The following CSMD2 variants were observed in gnomAD, a reference collection of about 807,000 sequenced individuals.
CSMD2 encodes the protein CUB and Sushi multiple domains 2.
In CSMD2, 130 loss-of-function variants were observed where a neutral mutation model predicts 398.5. That is an observed-to-expected ratio of 0.33 (90% CI 0.28 to 0.38). The LOEUF (loss-of-function observed/expected upper bound fraction) is 0.38, where lower values mean the gene tolerates loss of function less well. Ranked by LOEUF, CSMD2 falls within the 10% of genes least tolerant of loss-of-function variation. CSMD2 has a pLI of 1.00. For synonymous variants in CSMD2, 1,828 were observed against 1,908.5 expected, an observed-to-expected ratio of 0.96 and a Z score of 1.10; for missense variants, 3,829 against 4,764.9, an observed-to-expected ratio of 0.80 and a Z score of 5.78.
At position 34,039,356 on chromosome 1, in the gene CSMD2, C is replaced by T. The variant is rs140270148; in HGVS notation, c.405-6650G>A. Among the ~76,000 whole-genome samples the T allele has an allele frequency of 2.0e-5, 3 of 152,320 alleles. No individual in the cohort carries two copies. The East Asian group carries it at 5.8e-4, about 29-fold the overall frequency. On this transcript the variant is annotated intron_variant, in intron 2 of 70. Transcript: ENST00000373381. ...GGTCAGTGATCCTTGGCCTCCGCAGCCACGGTCTCTGAGCAACTCCCCTAA... is the reference window on the plus strand; with the variant it reads ...GGTCAGTGATCCTTGGCCTCCGCAGTCACGGTCTCTGAGCAACTCCCCTAA...
intron 3 of CSMD2, among the ~76,000 whole-genome samples, chr1:33,951,554 C>A: frequency 6.6e-6 from 1 of 152,164 alleles, no homozygotes. Flanking sequence ...CAATCTCTTC[C>A]CTGGCTTTCT....
In CSMD2 at chr1:34,164,899, G is replaced by T. The variant is rs912299311; in HGVS notation, c.187+12C>A. 112 of 1,219,300 alleles carry T rather than the reference G, an allele frequency of 9.2e-5. 1 individual carries two copies. In the Admixed American group the frequency reaches 1.1e-3, roughly 12 times the overall value. The allele number at this position is 1,219,300 out of a possible 1,614,324, so 75.5% of individuals were successfully genotyped here. Reference sequence around the variant, plus strand: ...GCGGCGGCCGCTGGCTCCTCGGCGCGGCTGGACTCACCCGCGGCGGCCGAG... The same window carrying T: ...GCGGCGGCCGCTGGCTCCTCGGCGCTGCTGGACTCACCCGCGGCGGCCGAG... On this transcript the variant is annotated intron_variant, in intron 1 of 70. Coordinates refer to ENST00000373381, the MANE Select transcript of CSMD2 (RefSeq NM_001281956.2). This position sits in a 1 kb window ranked among gnomAD's most constrained non-coding sequence, Gnocchi z 6.2.
At chr1:33,724,360 G>T in intron 18 of CSMD2, 47 bp from the exon 19 acceptor site, 1 of 1,524,874 alleles carries the variant, frequency 6.6e-7, no homozygotes, top group Non-Finnish European at 9.1e-7. Flanking sequence ...GGGCCTCAGG[G>T]AGCACCCCCG....
intron 3 of CSMD2, among the ~76,000 whole-genome samples, chr1:33,955,882 C>T (rs972302112): frequency 1.3e-5 from 2 of 152,150 alleles, no homozygotes; most frequent in Non-Finnish European, 2.9e-5. Context: ...GGTGCCAAAC[C>T]AGCCACACCT....
chr1:34,034,838 A>G (rs1650918382), intron 2 of CSMD2, among the ~76,000 whole-genome samples: 1 of 152,226 alleles, frequency 6.6e-6, no homozygotes, highest in Non-Finnish European at 1.5e-5. Context: ...GTGCAACCTG[A>G]AAGGTTACGA....
At chr1:33,700,055 C>T (rs1241848198) in intron 23 of CSMD2, among the ~76,000 whole-genome samples, 1 of 151,672 alleles carries the variant, frequency 6.6e-6, no homozygotes, top group East Asian at 1.9e-4. Context: ...GTCACCCAGG[C>T]TAGAGTGCAG....
chr1:33,843,738 T>C lies in CSMD2; in HGVS notation c.1033+3146A>G, dbSNP rs1661082365. ...CTTGGCTTCCTGTTGGATTGGCAGA[T>C]GGGAAGCACAGTGGATGGGAGAGAG... is the stretch of plus-strand genomic sequence containing the variant. On this transcript the variant is annotated intron_variant, in intron 6 of 70. Transcript: ENST00000373381. Among the ~76,000 whole-genome samples the C allele has an allele frequency of 2.0e-5, 3 of 152,174 alleles. No individual in the cohort carries two copies. In the South Asian group the frequency reaches 6.2e-4, roughly 32 times the overall value.
At chr1:33,940,959 G>A (rs904988805) in intron 3 of CSMD2, among the ~76,000 whole-genome samples, 3 of 152,116 alleles carry the variant, frequency 2.0e-5, no homozygotes, top group African/African-American at 4.8e-5. Flanking sequence ...GCTACAAAGC[G>A]AATCCTTTCT....
At chr1:33,797,268 G>A (rs929523007) in intron 10 of CSMD2, among the ~76,000 whole-genome samples, 3 of 152,148 alleles carry the variant, frequency 2.0e-5, no homozygotes, top group Non-Finnish European at 4.4e-5. Flanking sequence ...TGGACAGCAC[G>A]GTCCTACTGT....
intron 1 of CSMD2, among the ~76,000 whole-genome samples, chr1:34,108,733 C>G (rs1287908221): frequency 1.3e-5 from 2 of 152,072 alleles, no homozygotes; most frequent in Admixed American, 1.3e-4. Context: ...AGAGAGAGCA[C>G]TGCAGCTCCA....
At position 33,709,431 on chromosome 1, in the gene CSMD2, T is replaced by TA. The variant is rs201080111; in HGVS notation, c.3407-174dup. 2.4e-3 allele frequency: 1,211 copies of TA among 503,970 alleles called. 2 individuals are homozygous for TA. Among genetic ancestry groups the TA allele is most frequent in the African/African-American group, 0.011 (581 of 50,736 alleles). 31.2% of individuals were successfully genotyped at this position (503,970 alleles called of 1,614,324 possible). The stretch of plus-strand genomic sequence containing the variant: ...TGTCTACAGAAATGCCTCTCAAACT[T>TA]AAAAAAAAAATACTTCCCTACCTAT... On this transcript the variant is annotated intron_variant, in intron 21 of 70. Transcript: ENST00000373381.
At chr1:33,534,002 G>A (rs530625546) in intron 62 of CSMD2, 95 bp from the exon 63 acceptor site, 5 of 693,638 alleles carry the variant, frequency 7.2e-6, no homozygotes, top group East Asian at 2.7e-5. Flanking sequence ...AACTCCTCCC[G>A]CACTGTTGCC....
chr1:33,672,805 A>AAT, intron 25 of CSMD2, among the ~76,000 whole-genome samples: 1 of 142,276 alleles, frequency 7.0e-6, no homozygotes, highest in East Asian at 2.1e-4. Context: ...GCAGTTCACC[A>AAT]ATATCTGCTG....
chr1:33,935,679 T>G, intron 4 of CSMD2, 81 bp downstream of exon 4: 20 of 1,415,142 alleles, frequency 1.4e-5, no homozygotes, highest in Non-Finnish European at 1.8e-5. Flanking sequence ...CTTTGCCCTT[T>G]GAGACTGGAT....
intron 70 of CSMD2, among the ~76,000 whole-genome samples, chr1:33,517,720 G>A (rs1228610744): frequency 6.6e-6 from 1 of 152,218 alleles, no homozygotes; most frequent in African/African-American, 2.4e-5. Flanking sequence ...ATGGGGAAAA[G>A]CTCTTTCCAT....
In CSMD2 at chr1:33,986,345, G is replaced by A. The variant is rs569645598; in HGVS notation, c.517+46249C>T. Among the ~76,000 whole-genome samples, 68 of 152,270 alleles carry A rather than the reference G, an allele frequency of 4.5e-4. 1 individual carries two copies. The Middle Eastern group carries it at 0.02, about 46-fold the overall frequency. On this transcript the variant is annotated intron_variant, in intron 3 of 70. Transcript: ENST00000373381. ...GCAGGAAATCCTCCCTCCTTGGGTA[G>A]GCAGGGGAAGGGAAGGGAAGCTAAC... is the stretch of plus-strand genomic sequence containing the variant.
At chr1:33,874,160 G>C (rs1640668163) in intron 5 of CSMD2, among the ~76,000 whole-genome samples, 1 of 152,208 alleles carries the variant, frequency 6.6e-6, no homozygotes, top group African/African-American at 2.4e-5. Flanking sequence ...ATTCATCACA[G>C]TGCTCTAAAA....
At chr1:33,792,067 C>T (rs1239007765) in intron 11 of CSMD2, among the ~76,000 whole-genome samples, 1 of 152,140 alleles carries the variant, frequency 6.6e-6, no homozygotes, top group Non-Finnish European at 1.5e-5. Context: ...CAGGCTGCCA[C>T]GGCTGGATGT....
intron 2 of CSMD2, among the ~76,000 whole-genome samples, chr1:34,046,814 C>T (rs192500122): frequency 1.3e-4 from 20 of 152,254 alleles, no homozygotes; most frequent in African/African-American, 2.2e-4. Flanking sequence ...ATGCCTAAGA[C>T]GTGGACTCAC....
Sources: allele counts gnomAD v4.1 joint callset (sites outside exome capture counted in the v4.1 genomes callset), GRCh38; gene constraint gnomAD v4.1.1; non-coding constraint Gnocchi (gnomAD v3.1); transcripts MANE v1.5; gene names NCBI Gene and HGNC (gene_info 2026-07-23, HGNC 2026-07-21).